ASTN2: variants seen among roughly 807,000 people sequenced by gnomAD.
The protein encoded by ASTN2 is astrotactin 2, also known as astrotactin-2.
Under a neutral mutation model 139.8 loss-of-function variants are expected in ASTN2, and 54 were observed. That is an observed-to-expected ratio of 0.39 (90% CI 0.31 to 0.48). ASTN2 has a LOEUF of 0.48. ASTN2 is among the 20% of genes least tolerant of loss of function. The probability of loss-of-function intolerance (pLI) is 0.95; values close to 1 mark genes in which losing one functional copy is unlikely to be tolerated. For synonymous variants in ASTN2, 756 were observed against 719.5 expected (o/e 1.05, Z -0.81); for missense variants, 1,565 against 1,725.1 (o/e 0.91, Z 1.64).
chr9:117,120,829 T>C (rs969234734), intron 4 of ASTN2, among the ~76,000 whole-genome samples: 2 of 152,198 alleles, frequency 1.3e-5, no homozygotes, highest in Non-Finnish European at 2.9e-5. Context: ...TTACAGACTT[T>C]AAGGATGCAT....
intron 5 of ASTN2, among the ~76,000 whole-genome samples, chr9:117,072,518 T>C (rs1181025086): frequency 1.3e-5 from 2 of 151,972 alleles, no homozygotes; most frequent in Non-Finnish European, 2.9e-5. Flanking sequence ...GAGGAAGAGA[T>C]GAAAAGAAGA....
At chr9:117,180,667 G>A in intron 3 of ASTN2, 2 of 1,525,328 alleles carry the variant, frequency 1.3e-6, no homozygotes, top group Non-Finnish European at 1.8e-6. Flanking sequence ...GAATTTATTG[G>A]TGAGTATTAA....
At chr9:116,620,525 G>A in intron 17 of ASTN2, 82 bp from the exon 18 acceptor site, 1 of 1,552,682 alleles carries the variant, frequency 6.4e-7, no homozygotes, top group Non-Finnish European at 8.8e-7. Context: ...GCCATGATGT[G>A]AGCCATCGAG....
At chr9:116,979,887 T>A (rs561031517) in intron 7 of ASTN2, among the ~76,000 whole-genome samples, 2 of 152,296 alleles carry the variant, frequency 1.3e-5, no homozygotes, top group Non-Finnish European at 2.9e-5. Flanking sequence ...ATTGGTGACA[T>A]TGAGAAATTT....
At chr9:117,271,356 T>C (rs1365215957) in intron 2 of ASTN2, among the ~76,000 whole-genome samples, 3 of 152,186 alleles carry the variant, frequency 2.0e-5, no homozygotes, top group African/African-American at 7.2e-5. Context: ...TTACCTCCCC[T>C]TGGGTGCTCC....
rs377079034 is a variant in ASTN2 at position 117,096,029 on chromosome 9, C to T, written c.1276+15G>A. The T allele has an allele frequency of 6.8e-6, 11 of 1,612,018 alleles. No individual in the cohort carries two copies. The African/African-American group carries it at 1.5e-4, about 22-fold the overall frequency. On this transcript the variant is annotated intron_variant, in intron 5 of 22. Coordinates refer to ENST00000313400, the MANE Select transcript of ASTN2 (RefSeq NM_001365068.1). ...TACAAACTCTGGTTCTGGAACCTTC[C>T]AAGGACACTATTACCTTTGCTGCGG...
intron 2 of ASTN2, among the ~76,000 whole-genome samples, chr9:117,256,983 A>G (rs1318829572): frequency 2.6e-5 from 4 of 152,082 alleles, no homozygotes; most frequent in Non-Finnish European, 4.4e-5. Flanking sequence ...AAAAAAAAGG[A>G]GACAGAAGAA....
intron 2 of ASTN2, among the ~76,000 whole-genome samples, chr9:117,225,796 G>A (rs888632524): frequency 5.3e-5 from 8 of 151,716 alleles, no homozygotes; most frequent in African/African-American, 1.4e-4. Flanking sequence ...TGTGAAGATC[G>A]GATAAGGTGA....
intron 14 of ASTN2, 59 bp downstream of exon 14, chr9:116,733,340 G>A: frequency 6.2e-7 from 1 of 1,600,916 alleles, no homozygotes; most frequent in Non-Finnish European, 8.5e-7. Context: ...TATGCACTAG[G>A]TGTGGAGACT....
At chr9:116,598,569 G>T (rs1854705762) in intron 19 of ASTN2, among the ~76,000 whole-genome samples, 1 of 152,188 alleles carries the variant, frequency 6.6e-6, no homozygotes. Flanking sequence ...ATATTTTTAG[G>T]ATTCTAGATG....
chr9:116,555,613 G>C (rs1348850858), intron 19 of ASTN2, among the ~76,000 whole-genome samples: 1 of 151,270 alleles, frequency 6.6e-6, no homozygotes, highest in Non-Finnish European at 1.5e-5. Context: ...CTATTGGATA[G>C]TGCTCTGAAG....
At chr9:116,715,864 C>G (rs1431394191) in intron 16 of ASTN2, among the ~76,000 whole-genome samples, 2 of 152,046 alleles carry the variant, frequency 1.3e-5, no homozygotes, top group African/African-American at 4.8e-5. Context: ...ACAGGGCCCC[C>G]TGGGGTGTGG....
chr9:116,520,186 G>A (rs1038870388), intron 19 of ASTN2, among the ~76,000 whole-genome samples: 3 of 151,898 alleles, frequency 2.0e-5, no homozygotes, highest in East Asian at 1.9e-4. Flanking sequence ...AACCAGGGAA[G>A]CACATAACCA....
At chr9:117,301,431 G>A (rs995075083) in intron 1 of ASTN2, among the ~76,000 whole-genome samples, 1 of 152,102 alleles carries the variant, frequency 6.6e-6, no homozygotes, top group African/African-American at 2.4e-5. Context: ...ATTCATTGTC[G>A]CATTTAGCCC....
At chr9:116,843,431 A>C (rs1437903115) in intron 11 of ASTN2, among the ~76,000 whole-genome samples, 2 of 152,058 alleles carry the variant, frequency 1.3e-5, no homozygotes, top group African/African-American at 4.8e-5. Flanking sequence ...GCCAAGGTGG[A>C]TAGATCACCT....
intron 6 of ASTN2, among the ~76,000 whole-genome samples, chr9:117,035,833 G>C (rs577885498): frequency 6.6e-6 from 1 of 152,276 alleles, no homozygotes; most frequent in South Asian, 2.1e-4. Context: ...ACGTCTTCAA[G>C]TGGGAAAGTC....
intron 22 of ASTN2, among the ~76,000 whole-genome samples, chr9:116,434,947 C>T (rs907558981): frequency 1.7e-4 from 26 of 152,144 alleles, no homozygotes; most frequent in African/African-American, 6.3e-4. Flanking sequence ...GATTTGAAAA[C>T]ATTTTGGGGT....
chr9:116,638,056 A>G (rs1857156660), intron 17 of ASTN2, among the ~76,000 whole-genome samples: 1 of 152,228 alleles, frequency 6.6e-6, no homozygotes, highest in Admixed American at 6.5e-5. Context: ...TGCAGGATAT[A>G]GGAGAAAAGA....
At position 116,426,066 on chromosome 9, in the gene ASTN2, G is replaced by A; in HGVS notation, c.3805C>T (p.Arg1269Ter). Residue 1269 changes from arginine to a stop codon, truncating the protein, a stop_gained, in exon 23 of 23, where the codon CGA (arginine) becomes TGA (stop). Coordinates refer to ENST00000313400, the MANE Select transcript of ASTN2 (RefSeq NM_001365068.1). LOFTEE classifies it high-confidence loss of function. ...GPRKAHLILR[R>*]LERVSSHCSS... is the part of the protein sequence containing the mutation. ...CAGTGGCTACTCACCCTCTCCAGTCGCCGTAGAATCAGGTGGGCCTTCCTG... is the reference window on the plus strand; with the variant it reads ...CAGTGGCTACTCACCCTCTCCAGTCACCGTAGAATCAGGTGGGCCTTCCTG... The A allele has an allele frequency of 5.0e-6, 8 of 1,613,532 alleles. No individual in the cohort carries two copies. The highest frequency in any genetic ancestry group is 1.3e-5 in the African/African-American group (1 of 75,030).
Sources: gnomAD v4.1 joint callset for allele counts (sites outside exome capture counted in the v4.1 genomes callset) on GRCh38, gnomAD v4.1.1 for gene constraint, MANE v1.5 for transcripts, NCBI Gene and HGNC (gene_info 2026-07-23, HGNC 2026-07-21) for gene names.